The following CYTL1 variants were observed in gnomAD, a reference collection of about 807,000 sequenced individuals.
CYTL1 encodes the protein cytokine-like protein 1.
A neutral mutation model predicts 13.1 loss-of-function variants in CYTL1; 17 were observed. That is an observed-to-expected ratio of 1.29 (90% CI 0.89 to 1.94). The LOEUF (loss-of-function observed/expected upper bound fraction) is 1.94, where lower values mean the gene tolerates loss of function less well. Among genes scored for constraint, CYTL1 ranks in the 30% most tolerant of loss-of-function variants. CYTL1 has a pLI of 0.00. For synonymous variants in CYTL1, 91 were observed against 79.4 expected (o/e 1.15, Z -0.78); for missense variants, 213 against 174.8 (o/e 1.22, Z -1.23).
At position 5,017,034 on chromosome 4, in the gene CYTL1, A is replaced by T. The variant is rs190135302; in HGVS notation, c.199-70T>A. ...GCAAGAGGAACAGGGACTGAGCTGC[A>T]TAAGATCTCTCCCTGACTCTGTGCC... On this transcript the variant is annotated intron_variant, in intron 2 of 3. Transcript: ENST00000307746. The T allele has an allele frequency of 1.4e-5, 22 of 1,607,940 alleles. No individual in the cohort carries two copies. In the East Asian group the frequency reaches 4.9e-4, roughly 36 times the overall value.
chr4:5,017,798 A>G (rs534745504), intron 1 of CYTL1, among the ~76,000 whole-genome samples: 1 of 152,292 alleles, frequency 6.6e-6, no homozygotes, highest in Admixed American at 6.5e-5. Context: ...ATATAGTAAT[A>G]TCGAAGTGCA....
At position 5,016,829 on chromosome 4, in the gene CYTL1, C is replaced by T. The variant is rs374735182; in HGVS notation, c.327+7G>A. ...TAGAAAATAGACTTTCAATGGCATC[C>T]ACTTACTCTCCTGCAGAACGAGTTC... On this transcript the variant is annotated splice_region_variant and intron_variant, in intron 3 of 3. Transcript: ENST00000307746. 1.2e-6 allele frequency: 2 copies of T among 1,614,002 alleles called. No homozygotes were observed. The highest frequency in any genetic ancestry group is 1.3e-5 in the African/African-American group (1 of 74,916).
At chr4:5,019,214 T>TCTC in intron 1 of CYTL1, 79 bp downstream of exon 1, 1 of 845,588 alleles carries the variant, frequency 1.2e-6, no homozygotes, top group Non-Finnish European at 1.6e-6. Context: ...TCTCTCTCTC[T>TCTC]TTTTTTTTTC....
intron 1 of CYTL1, among the ~76,000 whole-genome samples, chr4:5,018,847 A>C (rs566954195): frequency 2.0e-5 from 3 of 152,314 alleles, no homozygotes; most frequent in Non-Finnish European, 4.4e-5. Flanking sequence ...CCCTCAGCAG[A>C]TGAGGGGCGG....
In CYTL1 at chr4:5,017,268, C is replaced by G. The variant is rs540662980; in HGVS notation, c.154-89G>C. ...CTAGTGGCCCTCTCAACAGCCAGAC[C>G]AGCCCAGATCCCTGGGGCCCTCCCT... is the stretch of plus-strand genomic sequence containing the variant. On this transcript the variant is annotated intron_variant, in intron 1 of 3. Transcript: ENST00000307746. 1.3e-4 allele frequency: 159 copies of G among 1,270,824 alleles called. No individual in the cohort carries two copies. The South Asian group carries it at 2.1e-3, about 17-fold the overall frequency. 78.7% of individuals were successfully genotyped at this position (1,270,824 alleles called of 1,614,324 possible).
In CYTL1 at chr4:5,019,419, C is replaced by T. The variant is rs760790264; in HGVS notation, c.27G>A (p.Val9=). ...GGGCTCCCGCCAGGAGCAGCAGCAG[C>T]ACGGGCAGAGGCCCAGGCGTCCTCA... The part of the protein sequence containing the change: MRTPGPLP[V]LLLLLAGAPA... The change falls in exon 1 of 4, where the codon GTG becomes GTA. Residue 9 remains valine (V), a synonymous_variant. Coordinates refer to ENST00000307746, the MANE Select transcript of CYTL1 (RefSeq NM_018659.3). 8 of 1,484,652 alleles carry T rather than the reference C, an allele frequency of 5.4e-6. No homozygotes were observed. The highest frequency in any genetic ancestry group is 1.5e-5 in the African/African-American group (1 of 67,980). 92.0% of individuals were successfully genotyped at this position (1,484,652 alleles called of 1,614,324 possible).
rs756398656 is a variant in CYTL1, at chr4:5,017,159, C to G, written c.174G>C (p.Leu58=). 1.2e-6 allele frequency: 2 copies of G among 1,613,866 alleles called. No homozygotes were observed. Among genetic ancestry groups the G allele is most frequent in the Non-Finnish European group, 1.7e-6 (2 of 1,179,938 alleles). The change falls in exon 2 of 4, where the codon CTG becomes CTC. Residue 58 remains leucine, a synonymous_variant. Transcript: ENST00000307746. The part of the protein sequence containing the change: ...SEPSEPCVRY[L]PRLYLDIHNY... ...CGTGTATGTCCAGGTACAGCCTGGG[C>G]AGGTATCTCACACATGGCTCCTGTG...
In CYTL1 at chr4:5,015,341, T is replaced by C. The variant is rs1741050328; in HGVS notation, c.328-107A>G. 3 of 856,190 alleles carry C rather than the reference T, an allele frequency of 3.5e-6. No individual in the cohort carries two copies. The East Asian group carries it at 8.2e-5, about 23-fold the overall frequency. 53.0% of individuals were successfully genotyped at this position (856,190 alleles called of 1,614,324 possible). A position where few individuals can be genotyped will look rare whatever the true frequency, so the allele number is the denominator to read the frequency against. On this transcript the variant is annotated intron_variant, in intron 3 of 3. Transcript: ENST00000307746. ...CTCAAAGGCCATTCAGTTGTTCCTC[T>C]TTCTGTAAAAACTTCCCATGCCTTA...
chr4:5,014,978 A>G lies in CYTL1; in HGVS notation c.*173T>C. The G allele has an allele frequency of 1.5e-6, 1 of 653,328 alleles. No homozygotes were observed. The highest frequency in any genetic ancestry group is 2.7e-6 in the Non-Finnish European group (1 of 365,456). The allele number at this position is 653,328 out of a possible 1,614,324, so 40.5% of individuals were successfully genotyped here. A position where few individuals can be genotyped will look rare whatever the true frequency, so the allele number is the denominator to read the frequency against. ...AGCATGGTTGCTAACTCTATGCTCAAAGGAGGTTCCTGGGTAGGAATACCA... is the reference window on the plus strand; with the variant it reads ...AGCATGGTTGCTAACTCTATGCTCAGAGGAGGTTCCTGGGTAGGAATACCA... On this transcript the variant is annotated 3_prime_UTR_variant, in exon 4 of 4. Coordinates refer to ENST00000307746, the MANE Select transcript of CYTL1 (RefSeq NM_018659.3).
At position 5,015,261 on chromosome 4, in the gene CYTL1, A is replaced by G. The variant is rs773394467; in HGVS notation, c.328-27T>C. 5 of 1,586,788 alleles carry G rather than the reference A, an allele frequency of 3.2e-6. No individual in the cohort carries two copies. The Admixed American group carries it at 6.7e-5, about 21-fold the overall frequency. ...TGAAAAAGATGTGCAATGAGCAGGA[A>G]AGTTACTGAAGGTGGTCACGGAGTC... On this transcript the variant is annotated intron_variant, in intron 3 of 3. Transcript: ENST00000307746.
chr4:5,016,799 G>A (rs946292322), intron 3 of CYTL1, 37 bp downstream of exon 3: 11 of 1,612,120 alleles, frequency 6.8e-6, no homozygotes, highest in Middle Eastern at 1.7e-4. Context: ...TTGGCTGATA[G>A]CAAGTAGAAA....
rs200085707 is a variant in CYTL1 at position 5,015,176 on chromosome 4, G to A, written c.386C>T (p.Thr129Met). The change falls in exon 4 of 4, where the codon ACG becomes ATG. Residue 129 changes from threonine (T) to methionine (M), a missense_variant. Physicochemically the swap from Thr to Met is moderately conservative, Grantham distance 81. Transcript: ENST00000307746. ...NALEYPIPVT[T>M]VLPDRQR is the part of the protein sequence containing the mutation. ...TTAGCGCTGACGATCTGGCAGGACC[G>A]TAGTCACTGGGATTGGGTATTCCAA... The A allele has an allele frequency of 2.2e-5, 36 of 1,613,860 alleles. No homozygotes were observed. In the Middle Eastern group the frequency reaches 5.0e-4, roughly 22 times the overall value.
chr4:5,019,302 C>CGG lies in CYTL1; in HGVS notation c.143_144insCC (p.Glu49ArgfsTer8). ...CGGGCGGGGGACTCACCGAGGGCTC[C>CGG]GAGACCTGCAGGAGGTTGAAGTCGC... On this transcript the variant is annotated frameshift_variant, in exon 1 of 4. Transcript: ENST00000307746. LOFTEE classifies it high-confidence loss of function. 1 of 1,497,622 alleles carries CGG rather than the reference C, an allele frequency of 6.7e-7. No homozygotes were observed. 92.8% of individuals were successfully genotyped at this position (1,497,622 alleles called of 1,614,324 possible).
intron 1 of CYTL1, 80 bp downstream of exon 1, chr4:5,019,210 TCTC>T: frequency 8.3e-7 from 1 of 1,199,762 alleles, no homozygotes; most frequent in Non-Finnish European, 1.1e-6. Context: ...TCTCTCTCTC[TCTC>T]TTTTTTTTTT....
chr4:5,017,702 T>C (rs1479726395), intron 1 of CYTL1, among the ~76,000 whole-genome samples: 1 of 151,786 alleles, frequency 6.6e-6, no homozygotes, highest in Non-Finnish European at 1.5e-5. Flanking sequence ...AGACATTATA[T>C]ATACTTACAT....
At chr4:5,016,988 G>C in intron 2 of CYTL1, 24 bp from the exon 3 acceptor site, 1 of 1,614,016 alleles carries the variant, frequency 6.2e-7, no homozygotes, top group Non-Finnish European at 8.5e-7. Context: ...ATGGGGAGGG[G>C]GCTTGTGGGA....
rs554327521 is a variant in CYTL1 at position 5,016,102 on chromosome 4, A to G, written c.327+734T>C. On this transcript the variant is annotated intron_variant, in intron 3 of 3. Coordinates refer to ENST00000307746, the MANE Select transcript of CYTL1 (RefSeq NM_018659.3). ...CCCTTATGAATGGATTAACGTCACT[A>G]CCTTGGGAGAGGGTTGCTTATTGCA... Among the ~76,000 whole-genome samples the G allele has an allele frequency of 9.8e-5, 15 of 152,296 alleles. 1 individual carries two copies. The South Asian group carries it at 3.1e-3, about 32-fold the overall frequency.
Position 5,019,374 on chromosome 4 carries a change from G to T in CYTL1, c.72C>A (p.Pro24=), listed in dbSNP as rs1270249948. The change falls in exon 1 of 4, where the codon CCC becomes CCA. Residue 24 remains proline (P), a synonymous_variant. Transcript: ENST00000307746. ...LAGAPAARPT[P]PTCYSRMRAL... ...CCCGCATGCGGGAGTAGCAGGTCGG[G>T]GGAGTGGGCCGCGCGGCGGGGGCTC... 6.6e-7 allele frequency: 1 copy of T among 1,513,528 alleles called. No individual in the cohort carries two copies. Among genetic ancestry groups the T allele is most frequent in the Non-Finnish European group, 8.8e-7 (1 of 1,139,122 alleles). The allele number at this position is 1,513,528 out of a possible 1,614,324, so 93.8% of individuals were successfully genotyped here.
chr4:5,017,266 AC>A, intron 1 of CYTL1, 87 bp from the exon 2 acceptor site: 1 of 1,311,018 alleles, frequency 7.6e-7, no homozygotes, highest in Non-Finnish European at 1.1e-6. Context: ...CAACAGCCAG[AC>A]CAGCCCAGAT....
Sources: allele counts gnomAD v4.1 joint callset (sites outside exome capture counted in the v4.1 genomes callset), GRCh38; gene constraint gnomAD v4.1.1; transcripts MANE v1.5; gene names NCBI Gene and HGNC (gene_info 2026-07-23, HGNC 2026-07-21).